Variants in PTDSS2 observed in about 807,000 individuals in gnomAD.
PTDSS2 encodes phosphatidylserine synthase 2, also known as PSS-2.
Under a neutral mutation model 64.7 loss-of-function variants are expected in PTDSS2, and 41 were observed. The observed-to-expected ratio is 0.63, with a 90% CI of 0.49 to 0.82. PTDSS2 has a LOEUF of 0.82. Ranked by LOEUF, PTDSS2 falls within the 40% of genes least tolerant of loss-of-function variation. The pLI, the probability that PTDSS2 is intolerant of heterozygous loss-of-function variation, is 0.00. For missense variants in PTDSS2, 485 were observed against 650.0 expected (o/e 0.75, Z 2.76); for synonymous variants, 297 against 277.8 (o/e 1.07, Z -0.69).
intron 4 of PTDSS2, among the ~76,000 whole-genome samples, chr11:486,658 C>T (rs998995140): frequency 3.3e-5 from 5 of 151,728 alleles, no homozygotes; most frequent in Admixed American, 6.6e-5. Context: ...CTGGCTAGCA[C>T]GGTGAAACCC....
intron 1 of PTDSS2, among the ~76,000 whole-genome samples, chr11:456,704 C>T (rs548209184): frequency 3.9e-5 from 6 of 152,236 alleles, no homozygotes; most frequent in African/African-American, 9.6e-5. Context: ...TCTGGGTCGC[C>T]GAATCCAGGC....
rs7931053 is a variant in PTDSS2, at chr11:471,479, G to A, written c.285-2416G>A. Among the ~76,000 whole-genome samples the A allele has an allele frequency of 8.0e-3, 1,220 of 152,386 alleles. 21 individuals are homozygous for A. The highest frequency in any genetic ancestry group is 0.028 in the African/African-American group (1,172 of 41,588). Reference sequence around the variant, plus strand: ...GCCAGGTTAGAGTCCTGTGTGACCCGGTCTGAGCTGGCCTCTGGGCAGCAT... The same window carrying A: ...GCCAGGTTAGAGTCCTGTGTGACCCAGTCTGAGCTGGCCTCTGGGCAGCAT... On this transcript the variant is annotated intron_variant, in intron 2 of 11. Transcript: ENST00000308020.
In PTDSS2 at chr11:490,784, G is replaced by A. The variant is rs1376509096; in HGVS notation, c.*202G>A. The A allele has an allele frequency of 3.3e-6, 2 of 612,346 alleles. No homozygotes were observed. The highest frequency in any genetic ancestry group is 5.7e-6 in the Non-Finnish European group (2 of 349,470). 37.9% of individuals were successfully genotyped at this position (612,346 alleles called of 1,614,324 possible). ...TCCATGTGTACACGTGTGTACGTGT[G>A]TATGCGTGTGTGTACGCGTGTGTAC... On this transcript the variant is annotated 3_prime_UTR_variant, in exon 12 of 12. Coordinates refer to ENST00000308020, the MANE Select transcript of PTDSS2 (RefSeq NM_030783.3).
At chr11:487,340 C>T in intron 5 of PTDSS2, 80 bp from the exon 6 acceptor site, 2 of 1,328,216 alleles carry the variant, frequency 1.5e-6, no homozygotes, top group Non-Finnish European at 2.2e-6. Context: ...AGGTGCTGCT[C>T]AGGTGTGGGC....
chr11:478,022 C>T (rs1350700001), intron 3 of PTDSS2, among the ~76,000 whole-genome samples: 1 of 152,168 alleles, frequency 6.6e-6, no homozygotes, highest in Admixed American at 6.5e-5. Flanking sequence ...GGGCCTCCTG[C>T]GTTTAGTCCG....
chr11:473,958 A>G lies in PTDSS2; in HGVS notation c.348A>G (p.Pro116=), dbSNP rs765945545. 3 of 1,613,830 alleles carry G rather than the reference A, an allele frequency of 1.9e-6. No individual in the cohort carries two copies. The highest frequency in any genetic ancestry group is 3.3e-5 in the Admixed American group (2 of 60,006). Residue 116 remains proline (P), a synonymous_variant, in exon 3 of 12, where the codon CCA becomes CCG. Transcript: ENST00000308020. ...GAGTCACACAAGCTAAAGACGGGCCATTTTCCAGACCTCATCCAGGTAACT... is the reference window on the plus strand; with the variant it reads ...GAGTCACACAAGCTAAAGACGGGCCGTTTTCCAGACCTCATCCAGGTAACT... The part of the protein sequence containing the change: ...CFGVTQAKDG[P]FSRPHPAYWR...
At chr11:490,181 C>T in intron 11 of PTDSS2, 113 bp downstream of exon 11, 2 of 1,255,968 alleles carry the variant, frequency 1.6e-6, no homozygotes, top group African/African-American at 3.0e-5. Context: ...TGCTTCAACC[C>T]TCTGGCCGCC....
intron 1 of PTDSS2, among the ~76,000 whole-genome samples, chr11:452,448 C>T (rs972232737): frequency 2.6e-5 from 4 of 152,346 alleles, no homozygotes; most frequent in East Asian, 1.9e-4. Flanking sequence ...AGGAGGGGGC[C>T]GGTCTCTTTA....
chr11:489,588 T>C lies in PTDSS2; in HGVS notation c.970T>C (p.Phe324Leu), dbSNP rs1246826082. The C allele has an allele frequency of 6.2e-7, 1 of 1,602,986 alleles. No homozygotes were observed. The highest frequency in any genetic ancestry group is 1.1e-5 in the South Asian group (1 of 89,818). ...WLAVCGIILV[F>L]LLAELNTFYL... Reference sequence around the variant, plus strand: ...TGGTGCTCACCCTCTCCTCCCCTAGTTCCTGTTGGCAGAACTGAACACGTT... The same window carrying C: ...TGGTGCTCACCCTCTCCTCCCCTAGCTCCTGTTGGCAGAACTGAACACGTT... Residue 324 changes from phenylalanine to leucine, a missense_variant and splice_region_variant, in exon 10 of 12, where the codon TTC becomes CTC. By Grantham distance (22) the Phe-to-Leu change is conservative. Transcript: ENST00000308020.
chr11:479,196 A>T lies in PTDSS2; in HGVS notation c.435+44A>T, dbSNP rs1847952185. 1 of 1,495,584 alleles carries T rather than the reference A, an allele frequency of 6.7e-7. No individual in the cohort carries two copies. The highest frequency in any genetic ancestry group is 1.4e-5 in the African/African-American group (1 of 72,472). The allele number at this position is 1,495,584 out of a possible 1,614,324, so 92.6% of individuals were successfully genotyped here. On this transcript the variant is annotated intron_variant, in intron 4 of 11. Transcript: ENST00000308020. The surrounding 1 kb of genome is among the most constrained non-coding windows in gnomAD (Gnocchi z 4.2). The stretch of plus-strand genomic sequence containing the variant: ...TTGGATACCTGGGAACTTAGGTGAC[A>T]GTGTGGCCCCAGGCATGGTGACAAA...
intron 1 of PTDSS2, among the ~76,000 whole-genome samples, chr11:457,610 G>A (rs1013045185): frequency 6.6e-5 from 10 of 152,212 alleles, no homozygotes; most frequent in African/African-American, 2.4e-4. Context: ...GCCATGCTCC[G>A]CTGGTCGGAG....
intron 3 of PTDSS2, 105 bp downstream of exon 3, chr11:474,082 C>A: frequency 1.0e-6 from 1 of 970,464 alleles, no homozygotes; most frequent in Non-Finnish European, 1.7e-6. Context: ...TCCCCTCCGC[C>A]TGGCCCCTCC....
At position 470,684 on chromosome 11, in the gene PTDSS2, G is replaced by A. The variant is rs1847385221; in HGVS notation, c.285-3211G>A. Among the ~76,000 whole-genome samples the A allele has an allele frequency of 6.6e-6, 1 of 152,112 alleles. No homozygotes were observed. Among genetic ancestry groups the A allele is most frequent in the South Asian group, 2.1e-4 (1 of 4,820 alleles). Reference sequence around the variant, plus strand: ...GGCTCACTGCAACCTCCGCCTCTCGGGTTCAAGTGATTCTCCTGCCTCAGC... The same window carrying A: ...GGCTCACTGCAACCTCCGCCTCTCGAGTTCAAGTGATTCTCCTGCCTCAGC... On this transcript the variant is annotated intron_variant, in intron 2 of 11. Transcript: ENST00000308020. The surrounding 1 kb of genome is among the most constrained non-coding windows in gnomAD (Gnocchi z 5.3).
chr11:475,874 T>G (rs1847781475), intron 3 of PTDSS2, among the ~76,000 whole-genome samples: 2 of 152,254 alleles, frequency 1.3e-5, no homozygotes, highest in Admixed American at 1.3e-4. Flanking sequence ...CTGTGGTGAA[T>G]TTTTTCACGT....
chr11:457,499 T>C lies in PTDSS2; in HGVS notation c.183-2688T>C, dbSNP rs548172115. 2.6e-5 allele frequency among the ~76,000 whole-genome samples: 4 copies of C among 152,344 alleles called. No homozygotes were observed. The East Asian group carries it at 5.8e-4, about 22-fold the overall frequency. On this transcript the variant is annotated intron_variant, in intron 1 of 11. Coordinates refer to ENST00000308020, the MANE Select transcript of PTDSS2 (RefSeq NM_030783.3). ...GTTGCCCCGGCTGGTCTTGAGCTCC[T>C]GGCCCAAAACAGTCCTCCTGCCTGG...
At chr11:451,470 G>T (rs987833150) in intron 1 of PTDSS2, 9 of 422,464 alleles carry the variant, frequency 2.1e-5, no homozygotes, top group African/African-American at 1.0e-4. Flanking sequence ...GTGAGAGGAG[G>T]GTTTGGCTCT....
chr11:477,984 C>T (rs1453402541), intron 3 of PTDSS2, among the ~76,000 whole-genome samples: 3 of 152,190 alleles, frequency 2.0e-5, no homozygotes, highest in East Asian at 1.9e-4. Context: ...TCATGAGCCA[C>T]GGGGGCCGTC....
At chr11:481,151 C>T (rs1035534188) in intron 4 of PTDSS2, among the ~76,000 whole-genome samples, 2 of 151,986 alleles carry the variant, frequency 1.3e-5, no homozygotes, top group Non-Finnish European at 2.9e-5. Context: ...TGTGAGCCAC[C>T]ACGCGCGGCC....
At chr11:453,985 G>A (rs1056080550) in intron 1 of PTDSS2, among the ~76,000 whole-genome samples, 9 of 152,260 alleles carry the variant, frequency 5.9e-5, no homozygotes, top group South Asian at 4.1e-4. Context: ...GTCTGCAGGC[G>A]GGTGGGAGGA....
Sources: allele counts gnomAD v4.1 joint callset (sites outside exome capture counted in the v4.1 genomes callset), GRCh38; gene constraint gnomAD v4.1.1; non-coding constraint Gnocchi (gnomAD v3.1); transcripts MANE v1.5; gene names NCBI Gene and HGNC (gene_info 2026-07-23, HGNC 2026-07-21).